Variants in AMN1 observed in about 807,000 individuals in gnomAD.
AMN1 encodes antagonist of mitotic exit network 1 homolog.
In AMN1, 20 loss-of-function variants were observed where a neutral mutation model predicts 33.0. That is an observed-to-expected ratio of 0.61 (90% CI 0.43 to 0.88). The LOEUF (loss-of-function observed/expected upper bound fraction) is 0.88, where lower values mean the gene tolerates loss of function less well. Ranked by LOEUF, AMN1 falls within the 40% of genes least tolerant of loss-of-function variation. AMN1 has a pLI of 0.00. For synonymous variants in AMN1, 114 were observed against 111.9 expected, an observed-to-expected ratio of 1.02 and a Z score of -0.12; for missense variants, 246 against 307.4, an observed-to-expected ratio of 0.80 and a Z score of 1.49.
chr12:31,693,572 T>A (rs1447466373), intron 5 of AMN1, among the ~76,000 whole-genome samples: 1 of 149,798 alleles, frequency 6.7e-6, no homozygotes, highest in Non-Finnish European at 1.5e-5. Flanking sequence ...GATGGAGTTT[T>A]GCTCTTGTTG....
chr12:31,728,942 C>T, intron 1 of AMN1, 29 bp downstream of exon 1: 2 of 1,538,194 alleles, frequency 1.3e-6, no homozygotes, highest in Non-Finnish European at 1.8e-6. Context: ...TGGGGCGGCG[C>T]GAAGGGAGGC....
At chr12:31,685,088 C>A (rs7953032) in intron 6 of AMN1, among the ~76,000 whole-genome samples, 95,032 of 149,712 alleles carry the variant, frequency 0.63, 30,585 homozygotes, top group East Asian at 0.87. Flanking sequence ...GAGTGCAGTG[C>A]GGAGATCTTG....
intron 5 of AMN1, 58 bp downstream of exon 5, chr12:31,697,300 CATA>C (rs1454179421): frequency 2.9e-5 from 43 of 1,466,062 alleles, no homozygotes; most frequent in Non-Finnish European, 3.9e-5. Context: ...AGGTTTTAAA[CATA>C]ATTTCTAAGA....
intron 1 of AMN1, among the ~76,000 whole-genome samples, chr12:31,716,602 A>G (rs1038268479): frequency 2.0e-5 from 3 of 152,190 alleles, no homozygotes; most frequent in African/African-American, 7.2e-5. Context: ...TAATATGGGT[A>G]CACATTCATC....
chr12:31,685,810 AG>A (rs1213863939), intron 6 of AMN1, among the ~76,000 whole-genome samples: 5 of 72,086 alleles, frequency 6.9e-5, no homozygotes, highest in Non-Finnish European at 9.7e-5. Flanking sequence ...CAAAAAAAAA[AG>A]AAAGAAAGAA....
At chr12:31,725,782 G>A (rs145620168) in intron 1 of AMN1, among the ~76,000 whole-genome samples, 5 of 152,268 alleles carry the variant, frequency 3.3e-5, no homozygotes, top group East Asian at 1.9e-4. Flanking sequence ...TCCAAGCTCC[G>A]CCTCCTGGGT....
At chr12:31,677,768 G>C (rs184915405) in intron 6 of AMN1, among the ~76,000 whole-genome samples, 109 of 152,214 alleles carry the variant, frequency 7.2e-4, no homozygotes, top group Non-Finnish European at 1.3e-3. Flanking sequence ...ACAGAAACCA[G>C]GATTCCTCTT....
intron 1 of AMN1, chr12:31,714,926 T>C (rs1224453732): frequency 1.0e-6 from 1 of 983,730 alleles, no homozygotes; most frequent in Non-Finnish European, 1.2e-6. Flanking sequence ...TGTGCAATTT[T>C]ATTAACCATT....
intron 5 of AMN1, among the ~76,000 whole-genome samples, chr12:31,696,387 C>T (rs1938729292): frequency 6.6e-6 from 1 of 151,918 alleles, no homozygotes; most frequent in East Asian, 1.9e-4. Context: ...GCTGGGACTA[C>T]AGGAATGCAC....
At chr12:31,675,619 C>T (rs1475282605) in intron 6 of AMN1, among the ~76,000 whole-genome samples, 2 of 151,372 alleles carry the variant, frequency 1.3e-5, no homozygotes, top group East Asian at 3.9e-4. Context: ...CTCAGCCTCC[C>T]GAGTAGCTGG....
chr12:31,676,853 A>AGG (rs1937733696), intron 6 of AMN1, among the ~76,000 whole-genome samples: 2 of 151,850 alleles, frequency 1.3e-5, no homozygotes, highest in Non-Finnish European at 2.9e-5. Context: ...GTGTTATATT[A>AGG]CAGTCTCCTT....
At chr12:31,707,206 A>G (rs959751320) in intron 2 of AMN1, among the ~76,000 whole-genome samples, 1 of 152,184 alleles carries the variant, frequency 6.6e-6, no homozygotes, top group Non-Finnish European at 1.5e-5. Flanking sequence ...ATTAAATAGA[A>G]AAGACCAAAA....
At chr12:31,695,155 A>G (rs1938666547) in intron 5 of AMN1, among the ~76,000 whole-genome samples, 2 of 152,122 alleles carry the variant, frequency 1.3e-5, no homozygotes, top group Admixed American at 1.3e-4. Context: ...CATTCTACTT[A>G]GGTTGGTGCT....
Position 31,683,442 on chromosome 12 carries a change from T to C in AMN1, c.703+5565A>G, listed in dbSNP as rs950326451. Among the ~76,000 whole-genome samples, 1 of 152,236 alleles carries C rather than the reference T, an allele frequency of 6.6e-6. No homozygotes were observed. The highest frequency in any genetic ancestry group is 1.9e-4 in the East Asian group (1 of 5,200). On this transcript the variant is annotated intron_variant, in intron 6 of 6. Transcript: ENST00000281471. The surrounding 1 kb of genome is among the most constrained non-coding windows in gnomAD (Gnocchi z 4.1). ...CCATTTTTACTTTTTAAAAGAATGATTGATATGGTTTGACTGTGTCGCCAC... is the reference window on the plus strand; with the variant it reads ...CCATTTTTACTTTTTAAAAGAATGACTGATATGGTTTGACTGTGTCGCCAC...
At chr12:31,699,925 C>T (rs1417842915) in intron 3 of AMN1, among the ~76,000 whole-genome samples, 1 of 152,086 alleles carries the variant, frequency 6.6e-6, no homozygotes, top group South Asian at 2.1e-4. Context: ...GTGAAAAAAC[C>T]CCACACATTT....
intron 6 of AMN1, among the ~76,000 whole-genome samples, chr12:31,675,379 C>T (rs1951365303): frequency 6.6e-6 from 1 of 151,672 alleles, no homozygotes; most frequent in African/African-American, 2.4e-5. Flanking sequence ...GTGTTCACAC[C>T]ACTGCACTCC....
intron 5 of AMN1, among the ~76,000 whole-genome samples, chr12:31,692,617 G>T (rs1403853788): frequency 6.6e-6 from 1 of 151,972 alleles, no homozygotes; most frequent in African/African-American, 2.4e-5. Context: ...TAATCCATTT[G>T]TTCCATTTTT....
intron 1 of AMN1, among the ~76,000 whole-genome samples, chr12:31,713,389 CTTCTT>C (rs1161570751): frequency 1.3e-5 from 2 of 152,096 alleles, no homozygotes. Context: ...AAAATCAAGT[CTTCTT>C]TTCATTTCTG....
intron 1 of AMN1, among the ~76,000 whole-genome samples, chr12:31,723,639 A>C (rs1423300407): frequency 6.6e-6 from 1 of 152,202 alleles, no homozygotes; most frequent in Non-Finnish European, 1.5e-5. Context: ...ATGAGCCGAT[A>C]GTCAAGGTAT....
Sources: gnomAD v4.1 joint callset for allele counts (sites outside exome capture counted in the v4.1 genomes callset) on GRCh38, gnomAD v4.1.1 for gene constraint, Gnocchi (gnomAD v3.1) non-coding constraint, MANE v1.5 for transcripts, NCBI Gene and HGNC (gene_info 2026-07-23, HGNC 2026-07-21) for gene names.